The following SAMMSON variants were observed in gnomAD, a reference collection of about 807,000 sequenced individuals.
SAMMSON encodes survival associated mitochondrial melanoma specific oncogenic non-coding RNA.
intron 4 of SAMMSON, among the ~76,000 whole-genome samples, chr3:70,122,254 G>A (rs2067437619): frequency 6.6e-6 from 1 of 152,118 alleles, no homozygotes. Flanking sequence ...GTGTAGTGGT[G>A]TGAGCCTGGC....
At chr3:70,048,674 T>G (rs1456016394) in intron 3 of SAMMSON, among the ~76,000 whole-genome samples, 4 of 152,234 alleles carry the variant, frequency 2.6e-5, no homozygotes, top group Middle Eastern at 3.4e-3. Context: ...CTATAACTAT[T>G]AATATTATTA....
intron 4 of SAMMSON, among the ~76,000 whole-genome samples, chr3:70,191,733 G>C (rs1180368654): frequency 2.8e-4 from 43 of 151,698 alleles, no homozygotes; most frequent in African/African-American, 1.0e-3. Context: ...CTTTATCTTG[G>C]TTTCATAATT....
intron 4 of SAMMSON, among the ~76,000 whole-genome samples, chr3:70,087,324 C>T (rs2067289180): frequency 1.3e-5 from 2 of 152,174 alleles, no homozygotes; most frequent in Non-Finnish European, 2.9e-5. Flanking sequence ...GGAAAATTAA[C>T]TTAAAAAGTT....
intron 6 of SAMMSON, chr3:70,272,405 A>G (rs1269381672): frequency 6.6e-6 from 1 of 152,132 alleles, no homozygotes; most frequent in African/African-American, 2.4e-5. Flanking sequence ...GCTCAATATA[A>G]TGCTTTTGAG....
rs77838615 is a variant in SAMMSON, at chr3:70,428,203, C to T, written n.234-34357C>T. Among the ~76,000 whole-genome samples the T allele has an allele frequency of 2.0e-3, 299 of 152,128 alleles. 1 individual carries two copies. The highest frequency in any genetic ancestry group is 3.2e-3 in the Non-Finnish European group (218 of 67,998). On this transcript the variant is annotated intron_variant and non_coding_transcript_variant, in intron 2 of 3. Transcript: ENST00000641053. ...AATTGATCTAAAGATTGGATGCAAT[C>T]CATTTATAATGTTAACAGACTTTTT...
intron 4 of SAMMSON, among the ~76,000 whole-genome samples, chr3:70,110,714 G>C (rs539055259): frequency 6.6e-6 from 1 of 152,282 alleles, no homozygotes; most frequent in Non-Finnish European, 1.5e-5. Flanking sequence ...GCTCAGGTTA[G>C]TGAAAATATG....
At chr3:70,360,902 G>A (rs1702866196) in intron 9 of SAMMSON, among the ~76,000 whole-genome samples, 1 of 152,038 alleles carries the variant, frequency 6.6e-6, no homozygotes, top group South Asian at 2.1e-4. Flanking sequence ...AGAAATATTA[G>A]CAGAGCATAC....
In SAMMSON at chr3:70,290,532, C is replaced by G. The variant is rs545797841; in HGVS notation, n.675-647C>G. On this transcript the variant is annotated intron_variant and non_coding_transcript_variant, in intron 6 of 9. Transcript: ENST00000642114. ...CTTTTTGTTTGTCTGTGCCCTGCCCCCAGAGGTGGAGCCTACAGAGGCAGG... is the reference window on the plus strand; with the variant it reads ...CTTTTTGTTTGTCTGTGCCCTGCCCGCAGAGGTGGAGCCTACAGAGGCAGG... 1.4e-4 allele frequency among the ~76,000 whole-genome samples: 22 copies of G among 152,332 alleles called. No homozygotes were observed. The South Asian group carries it at 2.7e-3, about 19-fold the overall frequency.
intron 2 of SAMMSON, among the ~76,000 whole-genome samples, chr3:70,415,985 G>A (rs1701261837): frequency 6.6e-6 from 1 of 152,132 alleles, no homozygotes; most frequent in South Asian, 2.1e-4. Flanking sequence ...TAAAGACAGA[G>A]GAAGATCTAT....
chr3:70,411,233 T>C (rs892013040), intron 2 of SAMMSON, among the ~76,000 whole-genome samples: 3 of 152,176 alleles, frequency 2.0e-5, no homozygotes, highest in African/African-American at 4.8e-5. Flanking sequence ...CATTTTCAAA[T>C]GAAGTTTTTA....
intron 4 of SAMMSON, among the ~76,000 whole-genome samples, chr3:70,163,727 A>G (rs2067625783): frequency 6.6e-6 from 1 of 151,974 alleles, no homozygotes; most frequent in South Asian, 2.1e-4. Flanking sequence ...GAGGGATTGG[A>G]AATTAGTAAA....
At chr3:70,302,976 G>T (rs1051539313) in intron 7 of SAMMSON, among the ~76,000 whole-genome samples, 1 of 152,080 alleles carries the variant, frequency 6.6e-6, no homozygotes, top group Non-Finnish European at 1.5e-5. Context: ...GAACACAGAA[G>T]ATCTCATCTT....
intron 4 of SAMMSON, chr3:70,172,271 C>CTTTTTTTTTTTTTTTTTTTTT (rs5742405): frequency 7.4e-6 from 1 of 135,018 alleles, no homozygotes. Context: ...CATTAGTGGT[C>CTTTTTTTTTTTTTTTTTTTTT]TTTTTTTTTT....
At chr3:70,231,336 C>A (rs929224800) in intron 4 of SAMMSON, among the ~76,000 whole-genome samples, 4 of 152,220 alleles carry the variant, frequency 2.6e-5, no homozygotes, top group Non-Finnish European at 5.9e-5. Flanking sequence ...GCTAGACAAG[C>A]AGCCCGCCAT....
chr3:70,020,402 A>G (rs949284789), intron 3 of SAMMSON, among the ~76,000 whole-genome samples: 3 of 152,212 alleles, frequency 2.0e-5, no homozygotes, highest in South Asian at 2.1e-4. Flanking sequence ...AACTGAAATT[A>G]TGCAAATGCT....
intron 7 of SAMMSON, among the ~76,000 whole-genome samples, chr3:70,347,709 A>C (rs750827815): frequency 2.0e-5 from 3 of 152,212 alleles, no homozygotes; most frequent in South Asian, 2.1e-4. Flanking sequence ...TAGTGTGTGG[A>C]AACAGACAGC....
intron 7 of SAMMSON, among the ~76,000 whole-genome samples, chr3:70,303,462 A>T (rs1410976039): frequency 6.6e-6 from 1 of 152,140 alleles, no homozygotes; most frequent in Non-Finnish European, 1.5e-5. Flanking sequence ...AATGTATTAT[A>T]TCTTGCTCTT....
chr3:70,066,321 T>G (rs1198971217), intron 3 of SAMMSON, among the ~76,000 whole-genome samples: 1 of 152,176 alleles, frequency 6.6e-6, no homozygotes, highest in Non-Finnish European at 1.5e-5. Context: ...TTCAAATGTT[T>G]CTTCAAAAAT....
chr3:70,123,802 C>A (rs977178463), intron 4 of SAMMSON, among the ~76,000 whole-genome samples: 1 of 152,152 alleles, frequency 6.6e-6, no homozygotes, highest in Non-Finnish European at 1.5e-5. Flanking sequence ...GTGTTGGGGG[C>A]AGGGAGAGTG....
Sources: allele counts gnomAD v4.1 joint callset (sites outside exome capture counted in the v4.1 genomes callset), GRCh38; gene constraint gnomAD v4.1.1; transcripts MANE v1.5; gene names NCBI Gene and HGNC (gene_info 2026-07-23, HGNC 2026-07-21).